NFATC1: variants seen among roughly 807,000 people sequenced by gnomAD.
The protein encoded by NFATC1 is nuclear factor of activated T cells 1, also known as nuclear factor of activated T-cells, cytoplasmic 1.
NFATC1 carries 22 observed loss-of-function variants against 76.0 expected under a neutral mutation model. The ratio of observed to expected loss-of-function variants is 0.29; its 90% confidence interval spans 0.21 to 0.41. The LOEUF is 0.41. Ranked by LOEUF, NFATC1 falls within the 10% of genes least tolerant of loss-of-function variation. NFATC1 has a pLI of 1.00. For synonymous variants in NFATC1, 704 were observed against 613.1 expected (o/e 1.15, Z -2.19); for missense variants, 1,357 against 1,337.7 (o/e 1.01, Z -0.23).
chr18:79,406,255 C>T (rs772404061), intron 1 of NFATC1, among the ~76,000 whole-genome samples: 2 of 152,244 alleles, frequency 1.3e-5, no homozygotes, highest in Non-Finnish European at 2.9e-5. Flanking sequence ...AATAAATACT[C>T]TTTTGATTGG....
chr18:79,503,121 GT>G (rs1247397411), intron 9 of NFATC1, among the ~76,000 whole-genome samples: 1 of 152,218 alleles, frequency 6.6e-6, no homozygotes, highest in Non-Finnish European at 1.5e-5. Flanking sequence ...TCACCCGAGT[GT>G]TATCCATCCC....
intron 8 of NFATC1, among the ~76,000 whole-genome samples, chr18:79,481,554 A>G (rs575376346): frequency 2.6e-5 from 4 of 152,372 alleles, no homozygotes; most frequent in African/African-American, 9.6e-5. Flanking sequence ...GGGCAGCCCC[A>G]GAGGCAGCCA....
chr18:79,492,189 G>A lies in NFATC1; in HGVS notation c.2782+5252G>A, dbSNP rs550988711. ...GAGGGGTCTGAGGAGGGCAGTTCACGCTGGAGCCTCCTCTGTGGCAGCCTC... is the reference window on the plus strand; with the variant it reads ...GAGGGGTCTGAGGAGGGCAGTTCACACTGGAGCCTCCTCTGTGGCAGCCTC... On this transcript the variant is annotated intron_variant, in intron 9 of 9. Transcript: ENST00000427363. Among the ~76,000 whole-genome samples, 39 of 152,290 alleles carry A rather than the reference G, an allele frequency of 2.6e-4. No homozygotes were observed. In the Middle Eastern group the frequency reaches 0.01, roughly 40 times the overall value.
At chr18:79,481,584 A>G (rs2089272649) in intron 8 of NFATC1, among the ~76,000 whole-genome samples, 1 of 152,248 alleles carries the variant, frequency 6.6e-6, no homozygotes, top group Non-Finnish European at 1.5e-5. Context: ...GGCTGAAGGC[A>G]GAGTCCTCCT....
intron 2 of NFATC1, among the ~76,000 whole-genome samples, chr18:79,415,239 G>T (rs1235016689): frequency 1.3e-5 from 2 of 152,122 alleles, no homozygotes; most frequent in East Asian, 3.9e-4. Context: ...GAATTTATTG[G>T]TAACTTTAAC....
chr18:79,409,625 C>T (rs2085587672), intron 1 of NFATC1, among the ~76,000 whole-genome samples: 1 of 152,158 alleles, frequency 6.6e-6, no homozygotes, highest in Non-Finnish European at 1.5e-5. Flanking sequence ...TCTCCATCTA[C>T]CCATCATCCC....
chr18:79,503,984 C>T (rs2090069530), intron 9 of NFATC1, among the ~76,000 whole-genome samples: 1 of 152,176 alleles, frequency 6.6e-6, no homozygotes, highest in African/African-American at 2.4e-5. Context: ...TCTCAGCCTT[C>T]GTAGGACAGA....
At chr18:79,423,582 C>T (rs958853620) in intron 2 of NFATC1, among the ~76,000 whole-genome samples, 14 of 152,154 alleles carry the variant, frequency 9.2e-5, no homozygotes, top group Non-Finnish European at 1.8e-4. Context: ...CACCACTGTC[C>T]TGGTGGAAGG....
rs368242959 is a variant in NFATC1, at chr18:79,410,511, T to C, written c.236T>C (p.Ile79Thr). Residue 79 changes from isoleucine to threonine, a missense_variant, in exon 2 of 10, where the codon ATC becomes ACC. Transcript: ENST00000427363. The surrounding 1 kb of genome is among the most constrained non-coding windows in gnomAD (Gnocchi z 6.7). ...CHNLQTSTPG[I>T]IPPADHPSGY... ...AACCTTCAGACCTCCACACCGGGCA[T>C]CATCCCGCCGGCGGATCACCCCTCG... 3.7e-6 allele frequency: 6 copies of C among 1,611,776 alleles called. No homozygotes were observed. In the African/African-American group the frequency reaches 8.0e-5, roughly 22 times the overall value.
chr18:79,442,545 A>G (rs2087022645), intron 3 of NFATC1, among the ~76,000 whole-genome samples: 1 of 152,244 alleles, frequency 6.6e-6, no homozygotes, highest in Non-Finnish European at 1.5e-5. Context: ...AAGAAAGCCC[A>G]GACACCTTGG....
intron 2 of NFATC1, among the ~76,000 whole-genome samples, chr18:79,425,310 T>C (rs1431582719): frequency 1.3e-5 from 2 of 152,212 alleles, no homozygotes. Context: ...TCTTTCTCTT[T>C]TAACTAAGGG....
chr18:79,435,696 G>A (rs1205622344), intron 3 of NFATC1, among the ~76,000 whole-genome samples: 1 of 152,180 alleles, frequency 6.6e-6, no homozygotes, highest in Admixed American at 6.5e-5. Flanking sequence ...GCCACTGAGA[G>A]GATCCAGGTG....
intron 1 of NFATC1, among the ~76,000 whole-genome samples, chr18:79,403,668 C>G (rs544842502): frequency 6.6e-6 from 1 of 152,292 alleles, no homozygotes; most frequent in Non-Finnish European, 1.5e-5. Context: ...CTCCGAACCT[C>G]TGTGTGCCCG....
intron 8 of NFATC1, chr18:79,469,981 G>A (rs982963726): frequency 4.3e-5 from 42 of 985,402 alleles, no homozygotes; most frequent in African/African-American, 3.8e-4. Flanking sequence ...CACTGTCAGT[G>A]TGGTTGTTAA....
At chr18:79,515,217 T>C (rs2090349259) in intron 9 of NFATC1, among the ~76,000 whole-genome samples, 1 of 151,334 alleles carries the variant, frequency 6.6e-6, no homozygotes, top group Admixed American at 6.6e-5. Flanking sequence ...TGGTGGCAGG[T>C]TCCTGTAATC....
Position 79,451,039 on chromosome 18 carries a change from C to T in NFATC1, c.1675C>T (p.Arg559Trp), listed in dbSNP as rs1297126024. The T allele has an allele frequency of 5.0e-6, 8 of 1,613,692 alleles. No individual in the cohort carries two copies. The highest frequency in any genetic ancestry group is 1.7e-6 in the Non-Finnish European group (2 of 1,180,022). Residue 559 changes from arginine to tryptophan, a missense_variant, in exon 5 of 10, where the codon CGG (arginine) becomes TGG (tryptophan). Physicochemically the swap from Arg to Trp is moderately radical, Grantham distance 101. Around this residue, in one of 3 missense-constraint regions of NFATC1, gnomAD observed 242 missense variants for 329.2 expected, o/e 0.74. Coordinates refer to ENST00000427363, the MANE Select transcript of NFATC1 (RefSeq NM_001278669.2). ...GACGGACATCGGGAGGAAGAACACA[C>T]GGGTACGGCTGGTGTTCCGCGTTCA... Reference protein sequence around the residue: ...GETDIGRKNTRVRLVFRVHVP... With the variant: ...GETDIGRKNTWVRLVFRVHVP...
At chr18:79,413,272 C>T (rs559566456) in intron 2 of NFATC1, among the ~76,000 whole-genome samples, 3 of 152,296 alleles carry the variant, frequency 2.0e-5, no homozygotes, top group African/African-American at 7.2e-5. Flanking sequence ...GGGTGAACCC[C>T]ACGTATTTGT....
In NFATC1 at chr18:79,527,781, G is replaced by C. The variant is rs2090808632; in HGVS notation, c.*204G>C. 5.1e-6 allele frequency: 3 copies of C among 593,828 alleles called. No individual in the cohort carries two copies. In the African/African-American group the frequency reaches 5.6e-5, roughly 11 times the overall value. The allele number at this position is 593,828 out of a possible 1,614,324, so 36.8% of individuals were successfully genotyped here. On this transcript the variant is annotated 3_prime_UTR_variant, in exon 10 of 10. Coordinates refer to ENST00000427363, the MANE Select transcript of NFATC1 (RefSeq NM_001278669.2). ...GGAAGGGAGACCACTGTGTCACCTGGAGGAGAAGTCATCTCATGACAACAG... is the reference window on the plus strand; with the variant it reads ...GGAAGGGAGACCACTGTGTCACCTGCAGGAGAAGTCATCTCATGACAACAG...
chr18:79,406,113 G>A (rs576348700), intron 1 of NFATC1, among the ~76,000 whole-genome samples: 2 of 152,210 alleles, frequency 1.3e-5, no homozygotes, highest in African/African-American at 4.8e-5. Context: ...CCAGTTCAGG[G>A]CTGAGTCCTG....
Sources: allele counts gnomAD v4.1 joint callset (sites outside exome capture counted in the v4.1 genomes callset), GRCh38; gene constraint gnomAD v4.1.1; regional missense constraint gnomAD v4.1.1; non-coding constraint Gnocchi (gnomAD v3.1); transcripts MANE v1.5; gene names NCBI Gene and HGNC (gene_info 2026-07-23, HGNC 2026-07-21).